Variants in CCSER1 observed in about 807,000 individuals in gnomAD.
The protein encoded by CCSER1 is coiled-coil serine rich protein 1.
CCSER1 carries 41 observed loss-of-function variants against 82.0 expected under a neutral mutation model. The observed-to-expected ratio is 0.50, with a 90% CI of 0.39 to 0.65. The LOEUF is 0.65. Among genes scored for constraint, CCSER1 ranks in the 30% least tolerant of loss-of-function variants. CCSER1 has a pLI of 0.00. For synonymous variants in CCSER1, 414 were observed against 383.9 expected (o/e 1.08, Z -0.92); for missense variants, 1,119 against 1,064.2 (o/e 1.05, Z -0.72).
intron 8 of CCSER1, among the ~76,000 whole-genome samples, chr4:90,896,366 G>GA (rs1723717753): frequency 6.6e-6 from 1 of 151,968 alleles, no homozygotes. Flanking sequence ...AGTGTAAGGA[G>GA]AGAGGTGATC....
At chr4:90,686,218 C>T (rs981963565) in intron 6 of CCSER1, among the ~76,000 whole-genome samples, 1 of 152,008 alleles carries the variant, frequency 6.6e-6, no homozygotes, top group Non-Finnish European at 1.5e-5. Flanking sequence ...CTTCATCCAC[C>T]CCTCTCTCTC....
chr4:91,256,056 G>A (rs1415577038), intron 10 of CCSER1, among the ~76,000 whole-genome samples: 2 of 152,142 alleles, frequency 1.3e-5, no homozygotes, highest in African/African-American at 4.8e-5. Flanking sequence ...CCAAAAATGA[G>A]TAAGAGAAAT....
chr4:91,095,806 C>T (rs1416520391), intron 10 of CCSER1, among the ~76,000 whole-genome samples: 1 of 151,976 alleles, frequency 6.6e-6, no homozygotes, highest in Non-Finnish European at 1.5e-5. Flanking sequence ...TTTAACCTCT[C>T]CATATCTGGT....
At chr4:90,250,690 T>C (rs1722230983) in intron 1 of CCSER1, among the ~76,000 whole-genome samples, 1 of 152,094 alleles carries the variant, frequency 6.6e-6, no homozygotes, top group African/African-American at 2.4e-5. Flanking sequence ...TTTTGGCTAT[T>C]GTGGCTTCAT....
intron 9 of CCSER1, among the ~76,000 whole-genome samples, chr4:90,956,686 A>G (rs978970010): frequency 5.9e-5 from 9 of 152,022 alleles, no homozygotes; most frequent in African/African-American, 1.9e-4. Flanking sequence ...AAGAAGTGCT[A>G]TGTTACTGGT....
intron 10 of CCSER1, among the ~76,000 whole-genome samples, chr4:91,393,795 A>G (rs1751804623): frequency 1.3e-5 from 2 of 152,108 alleles, no homozygotes; most frequent in South Asian, 4.1e-4. Flanking sequence ...CCTAAAGGGA[A>G]GTATGCTTTC....
chr4:90,146,171 C>T (rs1325838409), intron 1 of CCSER1, among the ~76,000 whole-genome samples: 1 of 152,074 alleles, frequency 6.6e-6, no homozygotes, highest in Non-Finnish European at 1.5e-5. Context: ...CTGTAACCTT[C>T]TCATTTTTAA....
intron 9 of CCSER1, among the ~76,000 whole-genome samples, chr4:90,968,953 G>A (rs1231056015): frequency 6.6e-6 from 1 of 151,578 alleles, no homozygotes; most frequent in East Asian, 1.9e-4. Context: ...TGAACAAAAT[G>A]TAAAGTTCAA....
At chr4:91,244,826 A>G (rs1739636989) in intron 10 of CCSER1, among the ~76,000 whole-genome samples, 1 of 152,198 alleles carries the variant, frequency 6.6e-6, no homozygotes, top group Admixed American at 6.5e-5. Context: ...ACAGAGATAA[A>G]TGACCTTTAA....
intron 10 of CCSER1, chr4:91,325,219 A>G (rs976815513): frequency 4.4e-6 from 2 of 455,676 alleles, no homozygotes; most frequent in Non-Finnish European, 8.8e-6. Flanking sequence ...TTGTAATTAG[A>G]TATGGCTGTT....
chr4:91,003,073 G>T (rs1288595067), intron 9 of CCSER1, among the ~76,000 whole-genome samples: 1 of 152,140 alleles, frequency 6.6e-6, no homozygotes, highest in African/African-American at 2.4e-5. Flanking sequence ...ACCGGGGGTT[G>T]TCTGCACAGA....
chr4:90,292,006 T>C (rs181842868), intron 1 of CCSER1, among the ~76,000 whole-genome samples: 3 of 152,040 alleles, frequency 2.0e-5, no homozygotes, highest in Admixed American at 1.3e-4. Context: ...CATTAAGTAA[T>C]AGCAGAAATG....
chr4:91,087,528 A>G (rs1489686791), intron 10 of CCSER1, among the ~76,000 whole-genome samples: 2 of 152,076 alleles, frequency 1.3e-5, no homozygotes, highest in African/African-American at 2.4e-5. Context: ...ATGTGTTTAA[A>G]TTAATTTTAG....
chr4:91,520,051 C>T (rs1330942235), intron 10 of CCSER1, among the ~76,000 whole-genome samples: 2 of 152,140 alleles, frequency 1.3e-5, no homozygotes, highest in Non-Finnish European at 2.9e-5. Flanking sequence ...CTGCCATTTA[C>T]TATTGTTTTC....
At chr4:90,778,317 C>T (rs1753224716) in intron 7 of CCSER1, among the ~76,000 whole-genome samples, 1 of 152,092 alleles carries the variant, frequency 6.6e-6, no homozygotes, top group Non-Finnish European at 1.5e-5. Context: ...GTATTCACAA[C>T]TCCCTAAATA....
chr4:90,802,421 T>C (rs1183153365), intron 7 of CCSER1, among the ~76,000 whole-genome samples: 1 of 151,370 alleles, frequency 6.6e-6, no homozygotes, highest in Non-Finnish European at 1.5e-5. Context: ...ATAGTATTCA[T>C]TTAATAGTAT....
chr4:90,185,029 A>G (rs1479833158), intron 1 of CCSER1, among the ~76,000 whole-genome samples: 5 of 152,076 alleles, frequency 3.3e-5, no homozygotes, highest in African/African-American at 1.2e-4. Flanking sequence ...GATAATCACC[A>G]TCCGTCTCTA....
intron 1 of CCSER1, among the ~76,000 whole-genome samples, chr4:90,209,892 G>A (rs1560802830): frequency 6.6e-6 from 1 of 151,716 alleles, no homozygotes; most frequent in Non-Finnish European, 1.5e-5. Flanking sequence ...CTGGGATTAA[G>A]TGACAGCATC....
At chr4:90,209,134 T>A (rs1193187363) in intron 1 of CCSER1, among the ~76,000 whole-genome samples, 12 of 152,176 alleles carry the variant, frequency 7.9e-5, no homozygotes, top group Non-Finnish European at 1.3e-4. Flanking sequence ...CAGTGACCAT[T>A]TGGACAGTCT....
Sources: gnomAD v4.1 joint callset for allele counts (sites outside exome capture counted in the v4.1 genomes callset) on GRCh38, gnomAD v4.1.1 for gene constraint, MANE v1.5 for transcripts, NCBI Gene and HGNC (gene_info 2026-07-23, HGNC 2026-07-21) for gene names.